The following SLC39A11 variants were observed in gnomAD, a reference collection of about 807,000 sequenced individuals.
SLC39A11 encodes the protein solute carrier family 39 member 11.
SLC39A11 carries 33 observed loss-of-function variants against 36.1 expected under a neutral mutation model. The observed-to-expected ratio is 0.91, with a 90% CI of 0.69 to 1.22. The LOEUF is 1.22. SLC39A11 is among the 50% of genes most tolerant of loss of function. SLC39A11 has a pLI of 0.00. For synonymous variants in SLC39A11, 166 were observed against 170.3 expected, an observed-to-expected ratio of 0.97 and a Z score of 0.20; for missense variants, 432 against 430.3, an observed-to-expected ratio of 1.00 and a Z score of -0.03.
chr17:72,819,211 G>A (rs1393044342), intron 6 of SLC39A11, among the ~76,000 whole-genome samples: 2 of 151,202 alleles, frequency 1.3e-5, no homozygotes, highest in Non-Finnish European at 3.0e-5. Context: ...AATATTAAAA[G>A]TGTCCTCATA....
intron 6 of SLC39A11, among the ~76,000 whole-genome samples, chr17:72,809,199 TTCTCTCTCTCTCTC>T (rs66472539): frequency 2.9e-5 from 3 of 102,198 alleles, no homozygotes; most frequent in African/African-American, 8.2e-5. Context: ...TTTCTTTTCT[TTCTCTCTCTCTCTC>T]TCTCTCTCTC....
At chr17:72,747,985 T>C (rs2075006965) in intron 6 of SLC39A11, among the ~76,000 whole-genome samples, 1 of 152,158 alleles carries the variant, frequency 6.6e-6, no homozygotes, top group African/African-American at 2.4e-5. Flanking sequence ...TGGGGAAAGA[T>C]GAAAAATAGA....
chr17:72,732,046 T>TTTTTTTTC (rs2074248901), intron 7 of SLC39A11, among the ~76,000 whole-genome samples: 1 of 96,764 alleles, frequency 1.0e-5, no homozygotes, highest in African/African-American at 3.9e-5. Flanking sequence ...TTTTCTTTTT[T>TTTTTTTTC]TTTTTTTTTT....
chr17:72,832,857 C>T (rs2078346790), intron 6 of SLC39A11, among the ~76,000 whole-genome samples: 1 of 152,110 alleles, frequency 6.6e-6, no homozygotes, highest in Non-Finnish European at 1.5e-5. Context: ...GCAACTGAAA[C>T]GTGATCAATT....
chr17:73,027,709 C>A (rs2058605004), intron 4 of SLC39A11, among the ~76,000 whole-genome samples: 1 of 152,214 alleles, frequency 6.6e-6, no homozygotes, highest in African/African-American at 2.4e-5. Context: ...TTCCCACCAA[C>A]CCAAGAGTGT....
chr17:73,040,137 T>G (rs1000942842), intron 3 of SLC39A11, among the ~76,000 whole-genome samples: 14 of 152,182 alleles, frequency 9.2e-5, no homozygotes, highest in African/African-American at 3.1e-4. Context: ...ACTAGAAAAT[T>G]TGTGGCCACT....
chr17:72,889,918 G>T (rs1431728820), intron 5 of SLC39A11, among the ~76,000 whole-genome samples: 1 of 152,128 alleles, frequency 6.6e-6, no homozygotes, highest in African/African-American at 2.4e-5. Context: ...CCAGTGAAGG[G>T]CTGGAAGCAA....
At chr17:72,748,376 T>C (rs544165883) in intron 6 of SLC39A11, among the ~76,000 whole-genome samples, 95 of 152,118 alleles carry the variant, frequency 6.2e-4, no homozygotes, top group Non-Finnish European at 1.3e-3. Context: ...TTAAGAAATA[T>C]TGACAATTGA....
At chr17:73,071,385 C>G (rs1043938574) in intron 3 of SLC39A11, among the ~76,000 whole-genome samples, 1 of 152,192 alleles carries the variant, frequency 6.6e-6, no homozygotes, top group Non-Finnish European at 1.5e-5. Flanking sequence ...GCAAAGCCAG[C>G]CCCTGAAGAT....
At chr17:72,739,129 ATTT>A (rs10531579) in intron 6 of SLC39A11, among the ~76,000 whole-genome samples, 249 of 143,682 alleles carry the variant, frequency 1.7e-3, no homozygotes, top group Middle Eastern at 3.4e-3. Context: ...AGAATTTCGG[ATTT>A]TTTTTTTTTT....
In SLC39A11 at chr17:72,647,236, G is replaced by A. The variant is rs186553023; in HGVS notation, c.*348C>T. On this transcript the variant is annotated 3_prime_UTR_variant, in exon 10 of 10. Transcript: ENST00000255559. Reference sequence around the variant, plus strand: ...CTTAGGAGACGTCTTTTGGTAGCTCGCTTCTATAGGTGACCTTGAGGAGTT... The same window carrying A: ...CTTAGGAGACGTCTTTTGGTAGCTCACTTCTATAGGTGACCTTGAGGAGTT... 53 of 178,858 alleles carry A rather than the reference G, an allele frequency of 3.0e-4. No homozygotes were observed. Among genetic ancestry groups the A allele is most frequent in the Non-Finnish European group, 5.1e-4 (43 of 85,006 alleles). 11.1% of individuals were successfully genotyped at this position (178,858 alleles called of 1,614,324 possible).
Position 72,893,186 on chromosome 17 carries a change from G to A in SLC39A11, c.431-43382C>T, listed in dbSNP as rs573622442. On this transcript the variant is annotated intron_variant, in intron 5 of 9. Coordinates refer to ENST00000255559, the MANE Select transcript of SLC39A11 (RefSeq NM_139177.4). ...AATGAAAACATATGGACCAGGGGCC[G>A]GGGCGGTGATTCACGCCTGTAATCC... Among the ~76,000 whole-genome samples the A allele has an allele frequency of 2.7e-4, 41 of 152,312 alleles. No homozygotes were observed. In the South Asian group the frequency reaches 7.2e-3, roughly 27 times the overall value.
At chr17:72,984,956 T>G (rs1222977729) in intron 4 of SLC39A11, among the ~76,000 whole-genome samples, 1 of 152,234 alleles carries the variant, frequency 6.6e-6, no homozygotes, top group Non-Finnish European at 1.5e-5. Flanking sequence ...ATAACCCTCT[T>G]ATGGAATCAA....
rs2074101628 is a variant in SLC39A11 at position 72,729,437 on chromosome 17, ATATATATATATATATATATATTTTTTT to A, written c.671+7186_671+7212del. On this transcript the variant is annotated intron_variant, in intron 7 of 9. Coordinates refer to ENST00000255559, the MANE Select transcript of SLC39A11 (RefSeq NM_139177.4). ...TATATATATATATATATATATATATATATATATATATATATATATATTTTTTTTTTTTTTTTTTTTTGTAGAGACAGG... is the reference window on the plus strand; with the variant it reads ...TATATATATATATATATATATATATATTTTTTTTTTTTTTGTAGAGACAGG... Among the ~76,000 whole-genome samples, 4 of 2,514 alleles carry A rather than the reference ATATATATATATATATATATATTTTTTT, an allele frequency of 1.6e-3. 1 individual carries two copies. The highest frequency in any genetic ancestry group is 7.7e-3 in the African/African-American group (4 of 518). 1.6% of individuals were successfully genotyped at this position (2,514 alleles called of 152,430 possible).
intron 7 of SLC39A11, among the ~76,000 whole-genome samples, chr17:72,723,214 GTCCCAGATGCT>G (rs897494252): frequency 8.5e-5 from 13 of 152,156 alleles, no homozygotes; most frequent in African/African-American, 2.9e-4. Context: ...GTCAGGTGAA[GTCCCAGATGCT>G]TCATAGAGAG....
At chr17:72,756,208 G>A (rs1017720912) in intron 6 of SLC39A11, among the ~76,000 whole-genome samples, 3 of 152,178 alleles carry the variant, frequency 2.0e-5, no homozygotes, top group East Asian at 1.9e-4. Flanking sequence ...CTGAGGTTCC[G>A]TTTTCTGTCT....
At chr17:72,702,362 C>T (rs371370158) in intron 7 of SLC39A11, among the ~76,000 whole-genome samples, 5 of 152,066 alleles carry the variant, frequency 3.3e-5, no homozygotes, top group African/African-American at 1.2e-4. Flanking sequence ...ATTTGGACCC[C>T]TAGGGAACAG....
At chr17:73,060,210 C>CAAAAAAAAAAAAAAAAAAAAAAAAAAA (rs33931672) in intron 3 of SLC39A11, among the ~76,000 whole-genome samples, 5 of 70,352 alleles carry the variant, frequency 7.1e-5, no homozygotes, top group Non-Finnish European at 7.9e-5. Flanking sequence ...AACTCCATCT[C>CAAAAAAAAAAAAAAAAAAAAAAAAAAA]AAAAAAAAAA....
chr17:72,683,368 C>T (rs1314645165), intron 7 of SLC39A11, among the ~76,000 whole-genome samples: 1 of 148,318 alleles, frequency 6.7e-6, no homozygotes, highest in East Asian at 2.0e-4. Context: ...CACGGTCTCG[C>T]CATCTCCTAT....
Sources: allele counts gnomAD v4.1 joint callset (sites outside exome capture counted in the v4.1 genomes callset), GRCh38; gene constraint gnomAD v4.1.1; transcripts MANE v1.5; gene names NCBI Gene and HGNC (gene_info 2026-07-23, HGNC 2026-07-21).